Variants in NXPE4 observed in about 807,000 individuals in gnomAD.
NXPE4 encodes the protein NXPE family member 4.
NXPE4 carries 42 observed loss-of-function variants against 33.3 expected under a neutral mutation model. The ratio of observed to expected loss-of-function variants is 1.26; its 90% CI spans 0.98 to 1.63. The LOEUF (loss-of-function observed/expected upper bound fraction) is 1.63, where lower values mean the gene tolerates loss of function less well. NXPE4 is among the 40% of genes most tolerant of loss of function. NXPE4 has a pLI of 0.00. For synonymous variants in NXPE4, 253 were observed against 234.9 expected, an observed-to-expected ratio of 1.08 and a Z score of -0.71; for missense variants, 709 against 647.6, an observed-to-expected ratio of 1.09 and a Z score of -1.03.
the NXPE4 span, among the ~76,000 whole-genome samples, chr11:114,606,599 A>C: frequency 6.6e-6 from 1 of 151,962 alleles, no homozygotes; most frequent in Non-Finnish European, 1.5e-5. Context: ...CCTTGTGGGT[A>C]ACCACTGTTA....
At chr11:114,581,904 C>T in intron 3 of NXPE4, 118 bp from the exon 4 acceptor site, 1 of 703,794 alleles carries the variant, frequency 1.4e-6, no homozygotes, top group South Asian at 1.8e-5. Context: ...ATTATGCCTA[C>T]AGTTTCAGGC....
intron 2 of NXPE4, among the ~76,000 whole-genome samples, chr11:114,586,452 C>T (rs970031116): frequency 6.6e-6 from 1 of 152,080 alleles, no homozygotes; most frequent in Admixed American, 6.6e-5. Context: ...AAAATCAAAC[C>T]AAATACTGGG....
chr11:114,602,110 A>G, the NXPE4 span, among the ~76,000 whole-genome samples: 1 of 100,348 alleles, frequency 1.0e-5, no homozygotes, highest in African/African-American at 4.1e-5. Context: ...ATTATAATAT[A>G]TATAATTATA....
the NXPE4 span, among the ~76,000 whole-genome samples, chr11:114,624,272 G>T: frequency 5.8e-3 from 883 of 152,026 alleles, 3 homozygotes; most frequent in African/African-American, 0.019. Context: ...AATAAATATT[G>T]CCTCGTGAGT....
chr11:114,575,297 A>G (rs937271599), intron 5 of NXPE4, among the ~76,000 whole-genome samples: 1 of 152,096 alleles, frequency 6.6e-6, no homozygotes, highest in African/African-American at 2.4e-5. Context: ...AAGAATGCCC[A>G]TTCTCACCAC....
At chr11:114,655,577 A>G in the NXPE4 span, among the ~76,000 whole-genome samples, 1 of 152,222 alleles carries the variant, frequency 6.6e-6, no homozygotes, top group African/African-American at 2.4e-5. Flanking sequence ...TTTACTGAAT[A>G]GGAGATCCTT....
the NXPE4 span, among the ~76,000 whole-genome samples, chr11:114,661,574 C>A: frequency 1.3e-5 from 2 of 152,160 alleles, no homozygotes; most frequent in Non-Finnish European, 2.9e-5. Flanking sequence ...TTGCTAAGTA[C>A]AAGCATTGTA....
the NXPE4 span, among the ~76,000 whole-genome samples, chr11:114,604,594 A>G: frequency 2.0e-5 from 3 of 151,924 alleles, no homozygotes; most frequent in African/African-American, 7.3e-5. Context: ...CCTCATGGGT[A>G]ACCACCATTA....
chr11:114,620,281 A>T, the NXPE4 span, among the ~76,000 whole-genome samples: 1 of 152,044 alleles, frequency 6.6e-6, no homozygotes, highest in East Asian at 1.9e-4. Flanking sequence ...TACCCGGTGG[A>T]TAATAAGTAA....
At chr11:114,589,951 G>C in intron 2 of NXPE4, among the ~76,000 whole-genome samples, 1 of 152,102 alleles carries the variant, frequency 6.6e-6, no homozygotes, top group Non-Finnish European at 1.5e-5. Flanking sequence ...AATGCCTGAG[G>C]GAACTAAATG....
rs567984416 is a variant in NXPE4, at chr11:114,572,135, G to A, written c.1100-662C>T. ...GAGCCCAGTAGCTCCACTGGGTTGC[G>A]AGACTCAGGAAGCCCCATTCCTAGG... On this transcript the variant is annotated intron_variant, in intron 5 of 5. Transcript: ENST00000375478. Among the ~76,000 whole-genome samples, 6 of 152,148 alleles carry A rather than the reference G, an allele frequency of 3.9e-5. No individual in the cohort carries two copies. In the East Asian group the frequency reaches 9.7e-4, roughly 25 times the overall value.
chr11:114,662,628 A>G, the NXPE4 span, among the ~76,000 whole-genome samples: 1 of 152,094 alleles, frequency 6.6e-6, no homozygotes, highest in African/African-American at 2.4e-5. Context: ...TCACAGCTCC[A>G]AAAGAAACCC....
At chr11:114,663,189 G>A in the NXPE4 span, among the ~76,000 whole-genome samples, 931 of 152,250 alleles carry the variant, frequency 6.1e-3, 8 homozygotes, top group Non-Finnish European at 8.3e-3. Context: ...TATGACAGCA[G>A]CCACAGGTTG....
At chr11:114,612,285 G>T in the NXPE4 span, among the ~76,000 whole-genome samples, 1 of 151,572 alleles carries the variant, frequency 6.6e-6, no homozygotes, top group Non-Finnish European at 1.5e-5. Flanking sequence ...ACTATTACCC[G>T]TTGGATAATA....
At chr11:114,628,793 A>C in the NXPE4 span, among the ~76,000 whole-genome samples, 13 of 152,110 alleles carry the variant, frequency 8.5e-5, 1 homozygote, top group African/African-American at 3.1e-4. Context: ...ATAATGAAAA[A>C]AAGAGAGAAG....
chr11:114,576,069 T>C (rs547338997), intron 5 of NXPE4, among the ~76,000 whole-genome samples: 1 of 152,270 alleles, frequency 6.6e-6, no homozygotes, highest in South Asian at 2.1e-4. Context: ...CAACTGATCT[T>C]TGACAAAGCA....
the NXPE4 span, among the ~76,000 whole-genome samples, chr11:114,627,746 C>A: frequency 1.3e-5 from 2 of 152,086 alleles, no homozygotes; most frequent in Admixed American, 6.6e-5. Flanking sequence ...AGAGTCAAGA[C>A]CCATCAGTGT....
chr11:114,659,297 C>A, the NXPE4 span, among the ~76,000 whole-genome samples: 1 of 151,924 alleles, frequency 6.6e-6, no homozygotes, highest in Non-Finnish European at 1.5e-5. Flanking sequence ...TCAGAGATGA[C>A]CAAATGTTGG....
chr11:114,607,720 C>A, the NXPE4 span, among the ~76,000 whole-genome samples: 1 of 151,974 alleles, frequency 6.6e-6, no homozygotes, highest in Non-Finnish European at 1.5e-5. Flanking sequence ...ATAATTGTTG[C>A]CTCGTGGGTA....
Sources: allele counts gnomAD v4.1 joint callset (sites outside exome capture counted in the v4.1 genomes callset), GRCh38; gene constraint gnomAD v4.1.1; transcripts MANE v1.5; gene names NCBI Gene and HGNC (gene_info 2026-07-23, HGNC 2026-07-21).